Variants in HS6ST3 observed in about 807,000 individuals in gnomAD.
HS6ST3 encodes the protein heparan sulfate 6-O-sulfotransferase 3, also known as heparan-sulfate 6-O-sulfotransferase 3.
Under a neutral mutation model 36.7 loss-of-function variants are expected in HS6ST3, and 12 were observed. The observed-to-expected ratio is 0.33, with a 90% CI of 0.21 to 0.53. The LOEUF (loss-of-function observed/expected upper bound fraction) is 0.53, where lower values mean the gene tolerates loss of function less well. Among genes scored for constraint, HS6ST3 ranks in the 20% least tolerant of loss-of-function variants. The probability of loss-of-function intolerance (pLI) is 0.95; values close to 1 mark genes in which losing one functional copy is unlikely to be tolerated. For missense variants in HS6ST3, 584 were observed against 640.9 expected (o/e 0.91, Z 0.96); for synonymous variants, 240 against 257.5 (o/e 0.93, Z 0.65).
intron 1 of HS6ST3, among the ~76,000 whole-genome samples, chr13:96,656,092 G>T (rs935996769): frequency 3.3e-5 from 5 of 152,026 alleles, no homozygotes; most frequent in African/African-American, 4.8e-5. Flanking sequence ...CTGTGCCTTT[G>T]TTCATCACCT....
At chr13:96,653,415 T>A (rs1348351186) in intron 1 of HS6ST3, among the ~76,000 whole-genome samples, 2 of 152,098 alleles carry the variant, frequency 1.3e-5, no homozygotes, top group Non-Finnish European at 2.9e-5. Context: ...TGTGTCCATG[T>A]GTTCTCATTG....
chr13:96,092,785 T>C (rs952297941), intron 1 of HS6ST3, among the ~76,000 whole-genome samples: 3 of 152,186 alleles, frequency 2.0e-5, no homozygotes, highest in Non-Finnish European at 4.4e-5. Context: ...ATGAGCAAAA[T>C]TTCATTATGA....
At chr13:96,677,930 C>G (rs997466617) in intron 1 of HS6ST3, among the ~76,000 whole-genome samples, 3 of 151,958 alleles carry the variant, frequency 2.0e-5, no homozygotes, top group Non-Finnish European at 4.4e-5. Context: ...TTGTCAATAC[C>G]ATTTTTAATA....
chr13:96,228,367 T>C (rs1376321180), intron 1 of HS6ST3, among the ~76,000 whole-genome samples: 1 of 152,176 alleles, frequency 6.6e-6, no homozygotes. Context: ...CAAGTGATTC[T>C]CCTGCTTCAG....
At chr13:96,583,364 C>G (rs992127824) in intron 1 of HS6ST3, among the ~76,000 whole-genome samples, 4 of 151,634 alleles carry the variant, frequency 2.6e-5, no homozygotes, top group African/African-American at 9.7e-5. Context: ...CGGGTGCGTG[C>G]CACCACACCT....
chr13:96,411,317 G>C (rs975960917), intron 1 of HS6ST3, among the ~76,000 whole-genome samples: 2 of 152,188 alleles, frequency 1.3e-5, no homozygotes, highest in Admixed American at 1.3e-4. Context: ...CTGCAGAGGA[G>C]AGAGCATCAA....
intron 1 of HS6ST3, among the ~76,000 whole-genome samples, chr13:96,815,875 A>G (rs544598539): frequency 1.4e-4 from 22 of 152,250 alleles, no homozygotes; most frequent in Admixed American, 3.3e-4. Flanking sequence ...CAAAGCCACA[A>G]TCCCCCATGA....
chr13:96,805,466 C>G (rs1334926020), intron 1 of HS6ST3, among the ~76,000 whole-genome samples: 1 of 152,166 alleles, frequency 6.6e-6, no homozygotes. Flanking sequence ...ATAAATTACC[C>G]AGTCTCAGGT....
intron 1 of HS6ST3, among the ~76,000 whole-genome samples, chr13:96,326,750 C>T (rs1257794175): frequency 6.6e-6 from 1 of 152,080 alleles, no homozygotes; most frequent in Non-Finnish European, 1.5e-5. Context: ...TGAGGAATCA[C>T]CACACTGTCT....
intron 1 of HS6ST3, among the ~76,000 whole-genome samples, chr13:96,209,644 G>A (rs1053618339): frequency 6.6e-6 from 1 of 152,096 alleles, no homozygotes; most frequent in Non-Finnish European, 1.5e-5. Context: ...GGTGACCCCT[G>A]CCACCTGCCC....
chr13:96,511,073 C>G (rs2056047928), intron 1 of HS6ST3, among the ~76,000 whole-genome samples: 1 of 152,100 alleles, frequency 6.6e-6, no homozygotes, highest in Non-Finnish European at 1.5e-5. Context: ...GGACAGTAGT[C>G]TAGATGTAAG....
intron 1 of HS6ST3, among the ~76,000 whole-genome samples, chr13:96,371,957 C>T (rs1377020605): frequency 6.6e-6 from 1 of 152,152 alleles, no homozygotes; most frequent in African/African-American, 2.4e-5. Flanking sequence ...TGAGCATGCA[C>T]ATCTCTTCAA....
intron 1 of HS6ST3, among the ~76,000 whole-genome samples, chr13:96,181,812 T>C (rs542751994): frequency 6.6e-6 from 1 of 152,372 alleles, no homozygotes; most frequent in East Asian, 1.9e-4. Context: ...AAAGAGCGTT[T>C]TAATTTATAT....
chr13:96,367,952 A>G (rs1035299534), intron 1 of HS6ST3, among the ~76,000 whole-genome samples: 2 of 152,114 alleles, frequency 1.3e-5, no homozygotes, highest in Admixed American at 6.5e-5. Context: ...AACTCATTTC[A>G]TGATGTTTAT....
At chr13:96,624,143 A>G (rs554818154) in intron 1 of HS6ST3, among the ~76,000 whole-genome samples, 4 of 152,306 alleles carry the variant, frequency 2.6e-5, no homozygotes, top group African/African-American at 9.6e-5. Context: ...GTGTGCATAT[A>G]TACATGTACA....
chr13:96,415,475 G>T lies in HS6ST3; in HGVS notation c.707+323906G>T, dbSNP rs189585314. On this transcript the variant is annotated intron_variant, in intron 1 of 1. Transcript: ENST00000376705. ...ATAAATAAAGTGCTCTTTTTTATTT[G>T]GATTGAAACACACCATTTTGAACGC... 6.2e-3 allele frequency among the ~76,000 whole-genome samples: 942 copies of T among 152,258 alleles called. 3 individuals are homozygous for T. Among genetic ancestry groups the T allele is most frequent in the Non-Finnish European group, 8.7e-3 (594 of 68,020 alleles).
intron 1 of HS6ST3, among the ~76,000 whole-genome samples, chr13:96,114,964 G>C (rs1025539879): frequency 6.6e-6 from 1 of 152,104 alleles, no homozygotes; most frequent in African/African-American, 2.4e-5. Context: ...CTAGAGGTGT[G>C]ACTTTTTGAT....
At chr13:96,397,514 T>C (rs2055428266) in intron 1 of HS6ST3, among the ~76,000 whole-genome samples, 1 of 152,164 alleles carries the variant, frequency 6.6e-6, no homozygotes, top group Non-Finnish European at 1.5e-5. Flanking sequence ...TTAAAAAAAC[T>C]CTTACATTTC....
intron 1 of HS6ST3, among the ~76,000 whole-genome samples, chr13:96,167,390 T>G (rs1459875481): frequency 6.6e-6 from 1 of 152,222 alleles, no homozygotes; most frequent in East Asian, 1.9e-4. Context: ...ATAATTCCAG[T>G]GTTTGTTCAG....
Sources: allele counts gnomAD v4.1 joint callset (sites outside exome capture counted in the v4.1 genomes callset), GRCh38; gene constraint gnomAD v4.1.1; transcripts MANE v1.5; gene names NCBI Gene and HGNC (gene_info 2026-07-23, HGNC 2026-07-21).